Variants in BSCL2 observed in about 807,000 individuals in gnomAD.
BSCL2 encodes BSCL2 lipid droplet biogenesis associated, seipin.
A neutral mutation model predicts 57.4 loss-of-function variants in BSCL2; 41 were observed. The observed-to-expected ratio is 0.71, with a 90% CI of 0.56 to 0.93. The LOEUF is 0.93. BSCL2 is among the 40% of genes least tolerant of loss of function. The pLI, the probability that BSCL2 is intolerant of heterozygous loss-of-function variation, is 0.00. For synonymous variants in BSCL2, 237 were observed against 227.3 expected (o/e 1.04, Z -0.38); for missense variants, 539 against 586.7 (o/e 0.92, Z 0.84).
chr11:62,699,457 A>C (rs1945574524), intron 3 of BSCL2, among the ~76,000 whole-genome samples: 1 of 152,118 alleles, frequency 6.6e-6, no homozygotes, highest in African/African-American at 2.4e-5. Flanking sequence ...CGGCCTCCCA[A>C]ATTGCTGGGA....
upstream of BSCL2, chr11:62,707,977 C>T (rs78270470): frequency 0.018 from 6,774 of 381,650 alleles, 387 homozygotes; most frequent in African/African-American, 0.13. Context: ...GTGATGTGCC[C>T]TCCTCATCAG....
chr11:62,705,933 G>C (rs1197356658), intron 1 of BSCL2: 1 of 329,126 alleles, frequency 3.0e-6, no homozygotes, highest in Non-Finnish European at 5.6e-6. Context: ...TTCTTAGAAA[G>C]AGCTTTACAC....
chr11:62,705,220 T>C, intron 2 of BSCL2, 81 bp downstream of exon 2: 2 of 1,399,290 alleles, frequency 1.4e-6, no homozygotes, highest in Non-Finnish European at 9.9e-7. Flanking sequence ...TATCTGTAAA[T>C]GAGGGGATTG....
rs747087493 is a variant in BSCL2 at position 62,690,326 on chromosome 11, G to T, written c.*41C>A. The T allele has an allele frequency of 1.2e-6, 2 of 1,613,092 alleles. No individual in the cohort carries two copies. Among genetic ancestry groups the T allele is most frequent in the African/African-American group, 2.7e-5 (2 of 74,888 alleles). ...AGGAAAAACGAGGGGAGAGGAGTCA[G>T]GTGGGAAAGTGCTGGAATGTGAGGA... On this transcript the variant is annotated 3_prime_UTR_variant, in exon 11 of 11. Transcript: ENST00000360796.
chr11:62,708,796 C>T, upstream of BSCL2: 4 of 1,613,164 alleles, frequency 2.5e-6, no homozygotes, highest in South Asian at 2.2e-5. Flanking sequence ...TTCTTCTGTG[C>T]TCTCCTCTGA....
chr11:62,704,369 TAA>T (rs71056549), intron 2 of BSCL2, among the ~76,000 whole-genome samples: 53,346 of 81,360 alleles, frequency 0.66, 16,965 homozygotes, highest in Admixed American at 0.76. Context: ...CCATCTCTAC[TAA>T]AAAAAAAAAA....
chr11:62,705,286 G>A lies in BSCL2; in HGVS notation c.404+15C>T. On this transcript the variant is annotated intron_variant, in intron 2 of 10. Transcript: ENST00000360796. The stretch of plus-strand genomic sequence containing the variant: ...CCCATAGGAGTCCTCTATTTTGATA[G>A]AAGGCCCCTCTCACCTGTAGTAGAA... The A allele has an allele frequency of 1.3e-6, 2 of 1,596,400 alleles. No homozygotes were observed. The highest frequency in any genetic ancestry group is 1.7e-6 in the Non-Finnish European group (2 of 1,170,394).
At chr11:62,697,857 A>G (rs2956138) in intron 3 of BSCL2, among the ~76,000 whole-genome samples, 107,361 of 150,386 alleles carry the variant, frequency 0.71, 39,255 homozygotes, top group Admixed American at 0.81. Context: ...ACTATCCCAG[A>G]CAACACTGAT....
chr11:62,693,199 G>A (rs1469977234), intron 4 of BSCL2, among the ~76,000 whole-genome samples: 8 of 152,094 alleles, frequency 5.3e-5, no homozygotes, highest in Non-Finnish European at 1.0e-4. Flanking sequence ...ATTAATGGAA[G>A]AATGGAGTCT....
chr11:62,693,170 T>C (rs1348378147), intron 4 of BSCL2, among the ~76,000 whole-genome samples: 1 of 152,080 alleles, frequency 6.6e-6, no homozygotes, highest in Non-Finnish European at 1.5e-5. Flanking sequence ...ATTTGCTTCA[T>C]GATGAGGTTG....
chr11:62,691,030 G>GCTCAACCTAGCCCAC (rs762771072), intron 8 of BSCL2, 45 bp downstream of exon 8: 3 of 1,610,024 alleles, frequency 1.9e-6, no homozygotes, highest in South Asian at 1.1e-5. Context: ...GCCCAGCCCA[G>GCTCAACCTAGCCCAC]CTCAACCTAG....
chr11:62,708,014 A>G, upstream of BSCL2: 1 of 461,656 alleles, frequency 2.2e-6, no homozygotes, highest in South Asian at 2.3e-5. Flanking sequence ...CAGAGCTGGG[A>G]ACACACATGG....
intron 2 of BSCL2, among the ~76,000 whole-genome samples, chr11:62,704,116 C>A (rs1211702804): frequency 7.0e-6 from 1 of 143,230 alleles, no homozygotes; most frequent in Admixed American, 7.3e-5. Context: ...CAGCACGAGA[C>A]TCTGTCTCAA....
chr11:62,700,084 T>TAAAAAA (rs34412546), intron 3 of BSCL2, among the ~76,000 whole-genome samples: 43 of 80,126 alleles, frequency 5.4e-4, no homozygotes, highest in East Asian at 1.1e-3. Flanking sequence ...TACTAAAAAT[T>TAAAAAA]AAAAAAAAAA....
chr11:62,708,505 G>GT, upstream of BSCL2: 1 of 1,207,034 alleles, frequency 8.3e-7, no homozygotes, highest in Non-Finnish European at 1.2e-6. Flanking sequence ...TGAGGTCAGG[G>GT]GAGGAGTCTG....
chr11:62,698,716 C>T (rs540850702), intron 3 of BSCL2, among the ~76,000 whole-genome samples: 1 of 152,246 alleles, frequency 6.6e-6, no homozygotes, highest in South Asian at 2.1e-4. Context: ...GGGACATGGG[C>T]TGAATTTGCT....
intron 3 of BSCL2, among the ~76,000 whole-genome samples, chr11:62,696,436 C>T (rs752960364): frequency 3.3e-5 from 5 of 150,878 alleles, no homozygotes; most frequent in African/African-American, 9.8e-5. Flanking sequence ...TGGGACCATA[C>T]GGACTATAGG....
intron 3 of BSCL2, among the ~76,000 whole-genome samples, chr11:62,696,638 G>C (rs941497504): frequency 6.6e-6 from 1 of 152,012 alleles, no homozygotes; most frequent in Non-Finnish European, 1.5e-5. Flanking sequence ...CTCACTGGCA[G>C]CCTCAACCTC....
rs566153603 is a variant in BSCL2 at position 62,690,995 on chromosome 11, C to G, written c.1072+80G>C. On this transcript the variant is annotated intron_variant, in intron 8 of 10. Transcript: ENST00000360796. ...AGTCGGTGATACCCTAAGCCTCATACTGGATGAAGCAGGGACTCCTTCTGG... is the reference window on the plus strand; with the variant it reads ...AGTCGGTGATACCCTAAGCCTCATAGTGGATGAAGCAGGGACTCCTTCTGG... The G allele has an allele frequency of 6.4e-4, 1,021 of 1,586,616 alleles. 15 individuals carry two copies. The South Asian group carries it at 0.011, about 16-fold the overall frequency.
Sources: gnomAD v4.1 joint callset for allele counts (sites outside exome capture counted in the v4.1 genomes callset) on GRCh38, gnomAD v4.1.1 for gene constraint, MANE v1.5 for transcripts, NCBI Gene and HGNC (gene_info 2026-07-23, HGNC 2026-07-21) for gene names.